Variants in MALRD1 observed in about 807,000 individuals in gnomAD.
MALRD1 encodes the protein MAM and LDL receptor class A domain containing 1.
Under a neutral mutation model 242.1 loss-of-function variants are expected in MALRD1, and 247 were observed. The ratio of observed to expected loss-of-function variants is 1.02; its 90% CI spans 0.92 to 1.13. The LOEUF (loss-of-function observed/expected upper bound fraction) is 1.13, where lower values mean the gene tolerates loss of function less well. MALRD1 is among the 50% of genes most tolerant of loss of function. The pLI, the probability that MALRD1 is intolerant of heterozygous loss-of-function variation, is 0.00. For synonymous variants in MALRD1, 995 were observed against 866.6 expected (o/e 1.15, Z -2.60); for missense variants, 2,989 against 2,533.1 (o/e 1.18, Z -3.86).
chr10:19,671,271 T>G (rs1044302942), intron 36 of MALRD1, among the ~76,000 whole-genome samples: 4 of 152,150 alleles, frequency 2.6e-5, no homozygotes, highest in African/African-American at 9.7e-5. Flanking sequence ...CATTTATTAT[T>G]TTGCACCAAT....
At chr10:19,672,118 C>G (rs953801886) in intron 36 of MALRD1, among the ~76,000 whole-genome samples, 4 of 152,024 alleles carry the variant, frequency 2.6e-5, no homozygotes, top group Non-Finnish European at 5.9e-5. Context: ...TCCAGAGAGT[C>G]CACATCTCTG....
At chr10:19,555,926 G>A (rs1564437894) in intron 32 of MALRD1, among the ~76,000 whole-genome samples, 1 of 152,068 alleles carries the variant, frequency 6.6e-6, no homozygotes, top group African/African-American at 2.4e-5. Flanking sequence ...GAAAAGGAGG[G>A]TGACTAAATG....
intron 36 of MALRD1, among the ~76,000 whole-genome samples, chr10:19,653,393 C>T (rs1280373671): frequency 6.6e-6 from 1 of 151,946 alleles, no homozygotes; most frequent in Non-Finnish European, 1.5e-5. Context: ...AGAGGGAGGT[C>T]TCACTGTGTT....
intron 12 of MALRD1, among the ~76,000 whole-genome samples, chr10:19,157,166 G>C (rs890724098): frequency 1.3e-5 from 2 of 151,966 alleles, no homozygotes; most frequent in East Asian, 3.9e-4. Context: ...GTTATTGATA[G>C]TCTGAGATAC....
chr10:19,267,629 C>G (rs1840023479), intron 19 of MALRD1, among the ~76,000 whole-genome samples: 1 of 152,076 alleles, frequency 6.6e-6, no homozygotes, highest in Admixed American at 6.6e-5. Context: ...AAGATATCAC[C>G]TGCAGCTTTT....
chr10:19,489,043 AG>A (rs1166195684), intron 29 of MALRD1: 1 of 457,402 alleles, frequency 2.2e-6, no homozygotes, highest in South Asian at 1.5e-5. Flanking sequence ...AGCAGCTCGG[AG>A]GGTGGAGGGG....
At chr10:19,571,502 C>T (rs1836536959) in intron 33 of MALRD1, among the ~76,000 whole-genome samples, 1 of 152,086 alleles carries the variant, frequency 6.6e-6, no homozygotes, top group Non-Finnish European at 1.5e-5. Flanking sequence ...CATTCTTTTT[C>T]ACGTAAAATT....
At chr10:19,685,308 A>T (rs1257147996) in intron 36 of MALRD1, among the ~76,000 whole-genome samples, 1 of 152,024 alleles carries the variant, frequency 6.6e-6, no homozygotes, top group Non-Finnish European at 1.5e-5. Context: ...TTCTAAGTTC[A>T]TACTTCTACA....
At chr10:19,577,338 T>G (rs763669056) in intron 33 of MALRD1, among the ~76,000 whole-genome samples, 7 of 152,176 alleles carry the variant, frequency 4.6e-5, no homozygotes, top group Non-Finnish European at 8.8e-5. Context: ...TAATTCCTTT[T>G]TGCTCCTAGA....
intron 28 of MALRD1, among the ~76,000 whole-genome samples, chr10:19,406,464 C>G (rs1589031961): frequency 6.6e-6 from 1 of 152,062 alleles, no homozygotes. Context: ...AAACTTCATG[C>G]CTGTGTTCAG....
At chr10:19,199,956 T>A (rs1436003090) in intron 14 of MALRD1, among the ~76,000 whole-genome samples, 2 of 151,950 alleles carry the variant, frequency 1.3e-5, no homozygotes, top group African/African-American at 4.8e-5. Flanking sequence ...GGAGACCCCA[T>A]CTCAACAAAA....
chr10:19,689,361 T>C lies in MALRD1; in HGVS notation c.6138-2921T>C, dbSNP rs143229191. On this transcript the variant is annotated intron_variant, in intron 36 of 39. Coordinates refer to ENST00000454679, the MANE Select transcript of MALRD1 (RefSeq NM_001142308.3). ...AGGCATGAAGGTTTGTGTTTTAACA[T>C]ACATTTGTGGGTAATTTCCTTGACA... 5.5e-4 allele frequency among the ~76,000 whole-genome samples: 84 copies of C among 152,326 alleles called. 1 individual carries two copies. In the East Asian group the frequency reaches 0.015, roughly 27 times the overall value.
chr10:19,283,252 C>T, intron 21 of MALRD1, 71 bp downstream of exon 21: 2 of 1,268,970 alleles, frequency 1.6e-6, no homozygotes, highest in Non-Finnish European at 2.1e-6. Flanking sequence ...TTTCTGCCCC[C>T]ACCACCTTAT....
In MALRD1 at chr10:19,376,678, C is replaced by G. The variant is rs1055466146; in HGVS notation, c.4442-10850C>G. 2.0e-5 allele frequency among the ~76,000 whole-genome samples: 3 copies of G among 151,182 alleles called. No individual in the cohort carries two copies. The East Asian group carries it at 5.9e-4, about 29-fold the overall frequency. ...TCAAGTGATTCTCCTGCCTCAGCCT[C>G]CCGAGTAGCTGAGATTACAGGTGCC... On this transcript the variant is annotated intron_variant, in intron 26 of 39. Coordinates refer to ENST00000454679, the MANE Select transcript of MALRD1 (RefSeq NM_001142308.3).
At chr10:19,456,132 C>T (rs930603525) in intron 29 of MALRD1, among the ~76,000 whole-genome samples, 1 of 152,074 alleles carries the variant, frequency 6.6e-6, no homozygotes, top group African/African-American at 2.4e-5. Context: ...GAGAATGTTT[C>T]CAGAATCTTT....
chr10:19,123,785 A>T (rs1239073233), intron 6 of MALRD1, among the ~76,000 whole-genome samples, 192 bp downstream of exon 6: 1 of 152,202 alleles, frequency 6.6e-6, no homozygotes, highest in African/African-American at 2.4e-5. Context: ...TGTGAAACAA[A>T]CTAAAGCCAC....
chr10:19,199,892 G>C (rs893916352), intron 14 of MALRD1, among the ~76,000 whole-genome samples: 1 of 152,126 alleles, frequency 6.6e-6, no homozygotes, highest in South Asian at 2.1e-4. Context: ...CCTGAACTTT[G>C]GGAGGCCAAG....
intron 36 of MALRD1, among the ~76,000 whole-genome samples, chr10:19,688,623 G>A (rs766068022): frequency 2.0e-5 from 3 of 152,170 alleles, no homozygotes; most frequent in Non-Finnish European, 2.9e-5. Context: ...CCAAGCTCTA[G>A]TTAGTGCAGA....
chr10:19,308,450 T>C lies in MALRD1; in HGVS notation c.3420-15499T>C, dbSNP rs573744897. 5.3e-5 allele frequency among the ~76,000 whole-genome samples: 8 copies of C among 151,626 alleles called. No homozygotes were observed. The South Asian group carries it at 8.3e-4, about 16-fold the overall frequency. ...TATCCAGAAATAGAAAAAGAAGTAATAGACTAGGGAAAGATTAGCAGAAGT... is the reference window on the plus strand; with the variant it reads ...TATCCAGAAATAGAAAAAGAAGTAACAGACTAGGGAAAGATTAGCAGAAGT... On this transcript the variant is annotated intron_variant, in intron 21 of 39. Transcript: ENST00000454679.
Sources: allele counts gnomAD v4.1 joint callset (sites outside exome capture counted in the v4.1 genomes callset), GRCh38; gene constraint gnomAD v4.1.1; transcripts MANE v1.5; gene names NCBI Gene and HGNC (gene_info 2026-07-23, HGNC 2026-07-21).